SAMMSON: variants seen among roughly 807,000 people sequenced by gnomAD.
SAMMSON encodes survival associated mitochondrial melanoma specific oncogenic non-coding RNA, also known as long intergenic non-protein coding RNA 1212.
chr3:70,394,348 G>A (rs1195870461), downstream of SAMMSON, among the ~76,000 whole-genome samples: 1 of 152,084 alleles, frequency 6.6e-6, no homozygotes, highest in Non-Finnish European at 1.5e-5. Context: ...CTAGGTAATA[G>A]CTCACAATTT....
At chr3:70,265,475 C>T (rs1043343263) in intron 6 of SAMMSON, among the ~76,000 whole-genome samples, 1 of 152,006 alleles carries the variant, frequency 6.6e-6, no homozygotes, top group Non-Finnish European at 1.5e-5. Context: ...CACCCTGCTC[C>T]ATGCTACCTC....
At chr3:70,052,103 CAAAT>C (rs1184577455) in intron 3 of SAMMSON, among the ~76,000 whole-genome samples, 1 of 151,772 alleles carries the variant, frequency 6.6e-6, no homozygotes, top group Non-Finnish European at 1.5e-5. Flanking sequence ...GTCTCAAAAA[CAAAT>C]AAATAAATAA....
chr3:70,312,008 C>A (rs1025653549), intron 7 of SAMMSON: 8 of 397,172 alleles, frequency 2.0e-5, no homozygotes, highest in Admixed American at 8.8e-5. Context: ...ATAAAAAATT[C>A]ATTAAGAACC....
chr3:70,366,493 T>G (rs1264953056), intron 9 of SAMMSON, among the ~76,000 whole-genome samples: 7 of 13,164 alleles, frequency 5.3e-4, no homozygotes, highest in South Asian at 3.8e-3. Context: ...TGTTTTTATG[T>G]TTTTTTTTTT....
At chr3:70,069,269 A>C (rs1198039345) in intron 3 of SAMMSON, 1 of 152,104 alleles carries the variant, frequency 6.6e-6, no homozygotes, top group Admixed American at 6.6e-5. Context: ...GCTTATTTTA[A>C]TATTTCACTT....
intron 4 of SAMMSON, among the ~76,000 whole-genome samples, chr3:70,106,880 T>C (rs1348754464): frequency 2.0e-5 from 3 of 152,190 alleles, no homozygotes; most frequent in African/African-American, 7.2e-5. Context: ...CTGCTGCCTG[T>C]TAATGATTCA....
intron 6 of SAMMSON, among the ~76,000 whole-genome samples, chr3:70,283,364 T>C (rs1037930983): frequency 6.6e-6 from 1 of 152,104 alleles, no homozygotes; most frequent in Admixed American, 6.6e-5. Context: ...GCCTGGACTT[T>C]GGAGAACCTG....
intron 4 of SAMMSON, among the ~76,000 whole-genome samples, chr3:70,203,707 T>C (rs898870169): frequency 3.9e-5 from 6 of 152,200 alleles, no homozygotes; most frequent in African/African-American, 1.4e-4. Context: ...AAGACTATTC[T>C]TTTGAGGTAT....
At chr3:70,380,868 T>A (rs947040848) in intron 9 of SAMMSON, among the ~76,000 whole-genome samples, 1 of 152,198 alleles carries the variant, frequency 6.6e-6, no homozygotes, top group Non-Finnish European at 1.5e-5. Flanking sequence ...ACAAAGGACA[T>A]GAACTCATCC....
intron 1 of SAMMSON, among the ~76,000 whole-genome samples, chr3:70,007,921 T>C (rs953010395): frequency 2.6e-5 from 4 of 152,150 alleles, no homozygotes; most frequent in African/African-American, 7.2e-5. Flanking sequence ...CCCCATTTCT[T>C]TTTTTTGTCA....
intron 4 of SAMMSON, among the ~76,000 whole-genome samples, chr3:70,238,039 C>T (rs997398371): frequency 9.4e-6 from 1 of 106,808 alleles, no homozygotes; most frequent in Admixed American, 1.4e-4. Flanking sequence ...GGAAAGAGAA[C>T]TGTACTTTAT....
intron 4 of SAMMSON, among the ~76,000 whole-genome samples, chr3:70,239,571 A>G (rs1488168198): frequency 6.6e-6 from 1 of 152,200 alleles, no homozygotes; most frequent in African/African-American, 2.4e-5. Context: ...GAATTTAGAG[A>G]CACATAAATT....
rs113654258 is a variant in SAMMSON at position 70,125,637 on chromosome 3, G to A, written n.507+54072G>A. On this transcript the variant is annotated intron_variant and non_coding_transcript_variant, in intron 4 of 9. Transcript: ENST00000642114. ...CTTTCTTAAATGCAGCTGGCATGTCGGTAGATATATGGAATTCAATTCTTT... is the reference window on the plus strand; with the variant it reads ...CTTTCTTAAATGCAGCTGGCATGTCAGTAGATATATGGAATTCAATTCTTT... 3.7e-5 allele frequency: 26 copies of A among 699,434 alleles called. 1 individual carries two copies. The highest frequency in any genetic ancestry group is 1.8e-4 in the African/African-American group (10 of 57,100). 43.3% of individuals were successfully genotyped at this position (699,434 alleles called of 1,614,324 possible).
intron 4 of SAMMSON, among the ~76,000 whole-genome samples, chr3:70,233,143 C>T (rs1348728584): frequency 2.6e-5 from 4 of 152,112 alleles, no homozygotes; most frequent in Non-Finnish European, 5.9e-5. Flanking sequence ...GAGCCAAGAT[C>T]GCGCCACTGC....
chr3:70,125,152 A>G (rs774304436), intron 4 of SAMMSON: 6 of 1,569,312 alleles, frequency 3.8e-6, no homozygotes, highest in African/African-American at 1.3e-5. Context: ...CAAAAAGCAC[A>G]TATCCATTAG....
chr3:70,375,252 A>G (rs1176867091), intron 9 of SAMMSON, among the ~76,000 whole-genome samples: 1 of 152,072 alleles, frequency 6.6e-6, no homozygotes, highest in Non-Finnish European at 1.5e-5. Flanking sequence ...TATGCTTTGT[A>G]TAATGTTCTT....
At chr3:70,001,066 G>A (rs1487289774) in intron 1 of SAMMSON, among the ~76,000 whole-genome samples, 2 of 151,912 alleles carry the variant, frequency 1.3e-5, no homozygotes, top group African/African-American at 2.4e-5. Flanking sequence ...TTGGCTCTCT[G>A]TATGGGCACA....
chr3:70,328,341 A>C (rs1575626753), intron 7 of SAMMSON, among the ~76,000 whole-genome samples: 1 of 152,162 alleles, frequency 6.6e-6, no homozygotes, highest in East Asian at 1.9e-4. Flanking sequence ...GGAGAAAATC[A>C]ATCATTAGAA....
intron 9 of SAMMSON, among the ~76,000 whole-genome samples, chr3:70,362,859 G>C (rs1702884073): frequency 6.7e-6 from 1 of 148,490 alleles, no homozygotes; most frequent in Non-Finnish European, 1.5e-5. Context: ...TTATGTATGG[G>C]TTTCAACAGT....
Sources: gnomAD v4.1 joint callset for allele counts (sites outside exome capture counted in the v4.1 genomes callset) on GRCh38, gnomAD v4.1.1 for gene constraint, MANE v1.5 for transcripts, NCBI Gene and HGNC (gene_info 2026-07-23, HGNC 2026-07-21) for gene names.